Variants in TMEM175 observed in about 807,000 individuals in gnomAD.
The protein encoded by TMEM175 is transmembrane protein 175.
Under a neutral mutation model 36.5 loss-of-function variants are expected in TMEM175, and 36 were observed. That is an observed-to-expected ratio of 0.99 (90% CI 0.76 to 1.30). The LOEUF (loss-of-function observed/expected upper bound fraction) is 1.30, where lower values mean the gene tolerates loss of function less well. TMEM175 is among the 50% of genes most tolerant of loss of function. The pLI is 0.00. For synonymous variants in TMEM175, 339 were observed against 313.4 expected, an observed-to-expected ratio of 1.08 and a Z score of -0.86; for missense variants, 705 against 692.8, an observed-to-expected ratio of 1.02 and a Z score of -0.20.
At chr4:938,340 C>T (rs1300457386) in intron 1 of TMEM175, among the ~76,000 whole-genome samples, 1 of 152,152 alleles carries the variant, frequency 6.6e-6, no homozygotes, top group Non-Finnish European at 1.5e-5. Context: ...CCCGTCTCTA[C>T]TAAAAATACA....
At chr4:956,357 C>A (rs748106257) in intron 10 of TMEM175, 1 of 1,290,790 alleles carries the variant, frequency 7.7e-7, no homozygotes, top group African/African-American at 1.5e-5. Flanking sequence ...TTCCTTCCAG[C>A]GTCTGCTCCT....
intron 1 of TMEM175, among the ~76,000 whole-genome samples, chr4:940,745 T>C (rs1180341470): frequency 6.6e-6 from 1 of 151,866 alleles, no homozygotes; most frequent in Non-Finnish European, 1.5e-5. Context: ...TGGTGGCTCA[T>C]GCCTGTAATC....
At chr4:955,301 C>T in intron 8 of TMEM175, 104 bp from the exon 9 acceptor site, 1 of 844,618 alleles carries the variant, frequency 1.2e-6, no homozygotes, top group South Asian at 1.5e-5. Flanking sequence ...TGCAAAGACC[C>T]TCCCTTCTGC....
rs1303843565 is a variant in TMEM175, at chr4:956,045, C to G, written c.842+155C>G. 24 of 975,240 alleles carry G rather than the reference C, an allele frequency of 2.5e-5. No individual in the cohort carries two copies. The East Asian group carries it at 6.1e-4, about 25-fold the overall frequency. 60.4% of individuals were successfully genotyped at this position (975,240 alleles called of 1,614,324 possible). On this transcript the variant is annotated intron_variant, in intron 10 of 10. Coordinates refer to ENST00000264771, the MANE Select transcript of TMEM175 (RefSeq NM_032326.4). ...TTGTGTGAGGTCAGGGCAGCCCCCA[C>G]TTCAGGGAGGACAACCTTCCCGGCG...
At chr4:942,950 ACTT>A (rs1560477543) in intron 1 of TMEM175, among the ~76,000 whole-genome samples, 6 of 151,720 alleles carry the variant, frequency 4.0e-5, no homozygotes, top group Admixed American at 2.0e-4. Context: ...AAAATTCAGA[ACTT>A]CTGTTCTCCT....
At chr4:940,573 C>T (rs1727326508) in intron 1 of TMEM175, among the ~76,000 whole-genome samples, 1 of 151,690 alleles carries the variant, frequency 6.6e-6, no homozygotes, top group South Asian at 2.1e-4. Flanking sequence ...GAAAACAAGT[C>T]ATTTTACATT....
chr4:955,457 C>T lies in TMEM175; in HGVS notation c.680C>T (p.Thr227Ile). The T allele has an allele frequency of 6.2e-7, 1 of 1,614,126 alleles. No individual in the cohort carries two copies. Among genetic ancestry groups the T allele is most frequent in the South Asian group, 1.1e-5 (1 of 91,086 alleles). The stretch of plus-strand genomic sequence containing the variant: ...CTCCTCCCCTATGTCAGCAAGGTCA[C>T]CGGCTGGTGCAGAGACAGGCTCCTG... ...VILLPYVSKV[T>I]GWCRDRLLGH... Residue 227 changes from threonine (T) to isoleucine (I), a missense_variant, in exon 9 of 11, where the codon ACC becomes ATC. Thr to Ile is a moderately conservative substitution (Grantham distance 89). Coordinates refer to ENST00000264771, the MANE Select transcript of TMEM175 (RefSeq NM_032326.4).
At chr4:937,372 T>C (rs1726913167) in intron 1 of TMEM175, among the ~76,000 whole-genome samples, 1 of 152,150 alleles carries the variant, frequency 6.6e-6, no homozygotes, top group Admixed American at 6.5e-5. Context: ...AAGACCAGCC[T>C]GGCCAACATG....
intron 6 of TMEM175, chr4:952,026 G>A (rs1300948115): frequency 1.9e-5 from 11 of 583,694 alleles, no homozygotes; most frequent in South Asian, 6.0e-5. Flanking sequence ...CCGACCACCC[G>A]CCCTGTACTA....
At chr4:936,398 A>G (rs1046204721) in intron 1 of TMEM175, among the ~76,000 whole-genome samples, 6 of 143,920 alleles carry the variant, frequency 4.2e-5, no homozygotes, top group African/African-American at 1.5e-4. Context: ...AGTGGAATTC[A>G]AAAAAATAGA....
chr4:955,325 T>G, intron 8 of TMEM175, 80 bp from the exon 9 acceptor site: 1 of 1,139,320 alleles, frequency 8.8e-7, no homozygotes, highest in Non-Finnish European at 1.3e-6. Flanking sequence ...AGCCCCTGCT[T>G]TGGCACACAG....
rs1208033205 is a variant in TMEM175 at position 953,337 on chromosome 4, CTCT to C, written c.615_617del (p.Phe206del). 6.2e-7 allele frequency: 1 copy of C among 1,612,860 alleles called. No homozygotes were observed. The highest frequency in any genetic ancestry group is 8.5e-7 in the Non-Finnish European group (1 of 1,179,320). ...GTGCTTTGCAGCGGCCATCTTCTCT[CTCT>C]TCTTTGTCCCCTTGGTGAGTGCTGG... On this transcript the variant is annotated inframe_deletion, in exon 8 of 11. Coordinates refer to ENST00000264771, the MANE Select transcript of TMEM175 (RefSeq NM_032326.4).
intron 3 of TMEM175, among the ~76,000 whole-genome samples, chr4:949,732 G>T (rs1728625438): frequency 6.6e-6 from 1 of 151,846 alleles, no homozygotes; most frequent in African/African-American, 2.4e-5. Flanking sequence ...CGAGGGCCCC[G>T]GTGCCTCCAC....
In TMEM175 at chr4:958,410, C is replaced by CG; in HGVS notation, c.1433dup (p.Leu479ProfsTer71). 6.3e-7 allele frequency: 1 copy of CG among 1,599,098 alleles called. No individual in the cohort carries two copies. The highest frequency in any genetic ancestry group is 8.5e-7 in the Non-Finnish European group (1 of 1,178,724). ...GGCCCTGGCCACCCTGCGGGTCCTG[C>CG]GGGGCCTCGCCCGGCCCGAACACCC... On this transcript the variant is annotated frameshift_variant, in exon 11 of 11. Coordinates refer to ENST00000264771, the MANE Select transcript of TMEM175 (RefSeq NM_032326.4). LOFTEE classifies it low-confidence loss of function (END_TRUNC).
chr4:942,940 A>G (rs1255221369), intron 1 of TMEM175, among the ~76,000 whole-genome samples: 1 of 152,058 alleles, frequency 6.6e-6, no homozygotes, highest in Non-Finnish European at 1.5e-5. Flanking sequence ...GCGCCCAGCC[A>G]AAATTCAGAA....
In TMEM175 at chr4:955,959, C is replaced by A; in HGVS notation, c.842+69C>A. 4 of 1,565,646 alleles carry A rather than the reference C, an allele frequency of 2.6e-6. No individual in the cohort carries two copies. The South Asian group carries it at 4.6e-5, about 18-fold the overall frequency. On this transcript the variant is annotated intron_variant, in intron 10 of 10. Transcript: ENST00000264771. ...GTGTCTTGAGTCCCTGGCGTCTCAT[C>A]CTGGAAACCCCAGAAAGGCACAGGG...
intron 1 of TMEM175, chr4:945,937 C>G (rs979425129): frequency 6.6e-6 from 1 of 152,230 alleles, no homozygotes; most frequent in Non-Finnish European, 1.5e-5. Context: ...GTTTCTAACA[C>G]GGCTCAATCC....
In TMEM175 at chr4:932,585, G is replaced by A; in HGVS notation, c.-32+45G>A. On this transcript the variant is annotated intron_variant, in intron 1 of 10. Transcript: ENST00000264771. This position sits in a 1 kb window ranked among gnomAD's most constrained non-coding sequence, Gnocchi z 4.0. ...CAGCTCCCGGTACCGTTCCCCACATGGTCTGTTTTGTGGGAGGCTCCTTCT... is the reference window on the plus strand; with the variant it reads ...CAGCTCCCGGTACCGTTCCCCACATAGTCTGTTTTGTGGGAGGCTCCTTCT... 5.0e-6 allele frequency: 2 copies of A among 401,372 alleles called. No individual in the cohort carries two copies. Among genetic ancestry groups the A allele is most frequent in the Non-Finnish European group, 4.4e-6 (1 of 227,736 alleles). The allele number at this position is 401,372 out of a possible 1,614,324, so 24.9% of individuals were successfully genotyped here. A position where few individuals can be genotyped will look rare whatever the true frequency, so the allele number is the denominator to read the frequency against.
chr4:948,194 G>A (rs773352955), intron 3 of TMEM175, 40 bp downstream of exon 3: 12 of 1,613,902 alleles, frequency 7.4e-6, no homozygotes, highest in East Asian at 2.2e-5. Flanking sequence ...GTGGCCCTGC[G>A]AAGATATAGG....
Sources: gnomAD v4.1 joint callset for allele counts (sites outside exome capture counted in the v4.1 genomes callset) on GRCh38, gnomAD v4.1.1 for gene constraint, Gnocchi (gnomAD v3.1) non-coding constraint, MANE v1.5 for transcripts, NCBI Gene and HGNC (gene_info 2026-07-23, HGNC 2026-07-21) for gene names.